Variants in RABGAP1L observed in about 807,000 individuals in gnomAD.
RABGAP1L encodes rab GTPase-activating protein 1-like.
In RABGAP1L, 63 loss-of-function variants were observed where a neutral mutation model predicts 137.7. The observed-to-expected ratio is 0.46, with a 90% confidence interval of 0.37 to 0.56. The LOEUF is 0.56. Ranked by LOEUF, RABGAP1L falls within the 20% of genes least tolerant of loss-of-function variation. RABGAP1L has a pLI of 0.00. For synonymous variants in RABGAP1L, 431 were observed against 433.7 expected (o/e 0.99, Z 0.08); for missense variants, 1,095 against 1,244.0 (o/e 0.88, Z 1.80).
At position 174,438,674 on chromosome 1, in the gene RABGAP1L, C is replaced by T. The variant is rs1267960229; in HGVS notation, c.1710+44529C>T. Among the ~76,000 whole-genome samples the T allele has an allele frequency of 4.0e-5, 6 of 148,202 alleles. 1 individual carries two copies. The highest frequency in any genetic ancestry group is 4.3e-4 in the South Asian group (2 of 4,700). The stretch of plus-strand genomic sequence containing the variant: ...CGGAGTTTGCAGTGAGCCGAGATCA[C>T]GCCACTGCACTCCAGCCTGGGAGAC... On this transcript the variant is annotated intron_variant, in intron 13 of 25. Transcript: ENST00000681986.
intron 19 of RABGAP1L, among the ~76,000 whole-genome samples, chr1:174,853,671 C>T (rs183559704): frequency 6.6e-5 from 10 of 152,164 alleles, no homozygotes; most frequent in African/African-American, 1.4e-4. Context: ...GTGGAGGTTG[C>T]GGTGAGCCGA....
intron 10 of RABGAP1L, among the ~76,000 whole-genome samples, chr1:174,288,711 A>T (rs181005850): frequency 6.6e-6 from 1 of 152,058 alleles, no homozygotes; most frequent in African/African-American, 2.4e-5. Context: ...TTGGAAATCT[A>T]TGGGTCTCAT....
At chr1:174,868,794 A>G (rs1484673289) in intron 19 of RABGAP1L, among the ~76,000 whole-genome samples, 5 of 152,074 alleles carry the variant, frequency 3.3e-5, no homozygotes, top group African/African-American at 4.8e-5. Flanking sequence ...TTGTGCCCCA[A>G]CGCCCCACCC....
At chr1:174,939,547 C>CA (rs780377420) in intron 19 of RABGAP1L, among the ~76,000 whole-genome samples, 2,541 of 79,140 alleles carry the variant, frequency 0.032, 25 homozygotes, top group Non-Finnish European at 0.056. Flanking sequence ...CTCTGTCTCA[C>CA]AAAAAAAAAA....
chr1:174,208,487 T>C (rs1320435313), intron 1 of RABGAP1L, among the ~76,000 whole-genome samples: 3 of 152,158 alleles, frequency 2.0e-5, no homozygotes, highest in Non-Finnish European at 4.4e-5. Context: ...GTTTTTGTTT[T>C]GTTTTGTTTT....
intron 18 of RABGAP1L, among the ~76,000 whole-genome samples, chr1:174,771,244 C>T (rs1337201578): frequency 6.6e-6 from 1 of 152,202 alleles, no homozygotes; most frequent in Non-Finnish European, 1.5e-5. Context: ...AATCATCTAA[C>T]CTTTTAACAC....
intron 13 of RABGAP1L, among the ~76,000 whole-genome samples, chr1:174,597,169 T>C (rs940612829): frequency 2.0e-5 from 3 of 152,186 alleles, no homozygotes; most frequent in Non-Finnish European, 4.4e-5. Flanking sequence ...AATGTTGGCC[T>C]GGAATTTTCT....
intron 14 of RABGAP1L, among the ~76,000 whole-genome samples, chr1:174,672,884 T>C (rs1572755712): frequency 6.6e-6 from 1 of 152,172 alleles, no homozygotes; most frequent in Non-Finnish European, 1.5e-5. Flanking sequence ...AATATACTTA[T>C]CATTCATGTA....
rs1654985819 is a variant in RABGAP1L, at chr1:174,448,049, G to A, written c.1710+53904G>A. 3 of 1,451,568 alleles carry A rather than the reference G, an allele frequency of 2.1e-6. No individual in the cohort carries two copies. Among genetic ancestry groups the A allele is most frequent in the African/African-American group, 1.4e-5 (1 of 71,288 alleles). The allele number at this position is 1,451,568 out of a possible 1,614,324, so 89.9% of individuals were successfully genotyped here. On this transcript the variant is annotated intron_variant, in intron 13 of 25. Coordinates refer to ENST00000681986, the MANE Select transcript of RABGAP1L (RefSeq NM_001366446.1). The surrounding 1 kb of genome is among the most constrained non-coding windows in gnomAD (Gnocchi z 4.2). The stretch of plus-strand genomic sequence containing the variant: ...AAACACTCATGTGCGGTGTTTAACA[G>A]ATGCTGGGCAGGGCATCTGCTTGCT...
chr1:174,476,461 A>C (rs902860273), intron 13 of RABGAP1L, among the ~76,000 whole-genome samples: 1 of 152,212 alleles, frequency 6.6e-6, no homozygotes, highest in African/African-American at 2.4e-5. Context: ...TTAAAGTAAA[A>C]GACAAAACAC....
intron 19 of RABGAP1L, among the ~76,000 whole-genome samples, chr1:174,924,631 A>G (rs1429100144): frequency 6.6e-6 from 1 of 152,102 alleles, no homozygotes; most frequent in Non-Finnish European, 1.5e-5. Flanking sequence ...TTCAACATTA[A>G]TCTATTCAAC....
chr1:174,815,820 T>C (rs1414527449), intron 19 of RABGAP1L, among the ~76,000 whole-genome samples: 2 of 152,222 alleles, frequency 1.3e-5, no homozygotes, highest in South Asian at 2.1e-4. Flanking sequence ...TACCCTTCTG[T>C]TCCTATGGTT....
In RABGAP1L at chr1:174,995,080, A is replaced by C. The variant is rs1039699708; in HGVS notation, c.*5079A>C. 6.6e-6 allele frequency: 1 copy of C among 152,266 alleles called. No homozygotes were observed. The allele number at this position is 152,266 out of a possible 1,614,324, so 9.4% of individuals were successfully genotyped here. A position where few individuals can be genotyped will look rare whatever the true frequency, so the allele number is the denominator to read the frequency against. ...AATGTAAATGTAATGCTTGTCTAAA[A>C]AGTGCAATTTATTGTACATTGTCCC... is the stretch of plus-strand genomic sequence containing the variant. On this transcript the variant is annotated 3_prime_UTR_variant, in exon 26 of 26. Transcript: ENST00000681986.
intron 13 of RABGAP1L, among the ~76,000 whole-genome samples, chr1:174,558,648 G>T (rs1377092378): frequency 2.6e-5 from 4 of 152,162 alleles, no homozygotes; most frequent in Non-Finnish European, 5.9e-5. Flanking sequence ...TAACCATACT[G>T]TGTCTCTTAA....
At position 174,794,273 on chromosome 1, in the gene RABGAP1L, A is replaced by T. The variant is rs141351884; in HGVS notation, c.2212-17559A>T. ...GTGAACCGAAGAGGCAGGTGATCTG[A>T]CAGGAATGTCTTTTCAGTGTTTGAC... On this transcript the variant is annotated intron_variant, in intron 18 of 25. Transcript: ENST00000681986. Among the ~76,000 whole-genome samples the T allele has an allele frequency of 9.8e-4, 150 of 152,326 alleles. 1 individual carries two copies. Among genetic ancestry groups the T allele is most frequent in the African/African-American group, 3.4e-3 (140 of 41,568 alleles).
chr1:174,603,078 C>A (rs952464536), intron 13 of RABGAP1L, among the ~76,000 whole-genome samples: 1 of 152,040 alleles, frequency 6.6e-6, no homozygotes, highest in Non-Finnish European at 1.5e-5. Context: ...TTGTTTGTTC[C>A]TGTCTTTTTG....
At chr1:174,362,153 T>G (rs1444401038) in intron 11 of RABGAP1L, among the ~76,000 whole-genome samples, 1 of 152,252 alleles carries the variant, frequency 6.6e-6, no homozygotes, top group Non-Finnish European at 1.5e-5. Context: ...ATTGTGTGTA[T>G]GTGCCACATT....
At chr1:174,332,688 G>A (rs991038562) in intron 11 of RABGAP1L, among the ~76,000 whole-genome samples, 2 of 152,042 alleles carry the variant, frequency 1.3e-5, no homozygotes, top group African/African-American at 4.8e-5. Flanking sequence ...GAGCCACCGC[G>A]CCCGGCTGAG....
intron 10 of RABGAP1L, among the ~76,000 whole-genome samples, chr1:174,298,351 T>TG (rs1289725104): frequency 1.3e-5 from 2 of 152,238 alleles, no homozygotes; most frequent in African/African-American, 4.8e-5. Flanking sequence ...CTCTCACCTA[T>TG]GTCTCTTTCT....
Sources: gnomAD v4.1 joint callset for allele counts (sites outside exome capture counted in the v4.1 genomes callset) on GRCh38, gnomAD v4.1.1 for gene constraint, Gnocchi (gnomAD v3.1) non-coding constraint, MANE v1.5 for transcripts, NCBI Gene and HGNC (gene_info 2026-07-23, HGNC 2026-07-21) for gene names.